Variants in NELL2 observed in about 807,000 individuals in gnomAD.
NELL2 encodes the protein protein kinase C-binding protein NELL2.
NELL2 carries 41 observed loss-of-function variants against 109.6 expected under a neutral mutation model. The ratio of observed to expected loss-of-function variants is 0.37; its 90% CI spans 0.29 to 0.49. The LOEUF is 0.49. Ranked by LOEUF, NELL2 falls within the 20% of genes least tolerant of loss-of-function variation. The probability of loss-of-function intolerance (pLI) is 0.98; values close to 1 mark genes in which losing one functional copy is unlikely to be tolerated. For synonymous variants in NELL2, 355 were observed against 344.7 expected (o/e 1.03, Z -0.33); for missense variants, 900 against 1,008.3 (o/e 0.89, Z 1.45).
intron 1 of NELL2, among the ~76,000 whole-genome samples, chr12:44,903,736 C>A (rs1336877430): frequency 6.6e-6 from 1 of 152,026 alleles, no homozygotes; most frequent in Non-Finnish European, 1.5e-5. Flanking sequence ...ATGTCCTTTG[C>A]AGGGACATGG....
intron 15 of NELL2, among the ~76,000 whole-genome samples, chr12:44,557,616 C>T (rs1223654411): frequency 1.3e-5 from 2 of 152,110 alleles, no homozygotes; most frequent in Non-Finnish European, 2.9e-5. Context: ...CTTTAGACTA[C>T]GTTGAGATTT....
At chr12:44,532,502 G>T in intron 16 of NELL2, 79 bp downstream of exon 16, 1 of 1,409,318 alleles carries the variant, frequency 7.1e-7, no homozygotes, top group Non-Finnish European at 9.7e-7. Context: ...TTGGCTCAAT[G>T]TCTTCTATTT....
intron 12 of NELL2, among the ~76,000 whole-genome samples, chr12:44,677,367 C>A (rs1228512683): frequency 6.6e-6 from 1 of 152,022 alleles, no homozygotes; most frequent in African/African-American, 2.4e-5. Flanking sequence ...GTAAAAGATG[C>A]AGTAGAGTGT....
chr12:44,587,284 A>AAAAAATATATATAT, intron 15 of NELL2, among the ~76,000 whole-genome samples: 3 of 72,212 alleles, frequency 4.2e-5, no homozygotes, highest in South Asian at 6.9e-4. Context: ...AAAAAAAAAA[A>AAAAAATATATATAT]ATATATATAT....
intron 2 of NELL2, among the ~76,000 whole-genome samples, chr12:44,827,910 C>T (rs1943767115): frequency 6.6e-6 from 1 of 152,168 alleles, no homozygotes; most frequent in South Asian, 2.1e-4. Context: ...AGTGGATGTA[C>T]TAATTTGCAT....
At chr12:44,713,177 T>TACACACACAC (rs35017907) in intron 10 of NELL2, among the ~76,000 whole-genome samples, 3 of 141,910 alleles carry the variant, frequency 2.1e-5, no homozygotes, top group African/African-American at 7.9e-5. Flanking sequence ...ATGAATAGGA[T>TACACACACAC]ACACACACAC....
Position 44,677,916 on chromosome 12 carries a change from G to A in NELL2, c.1319-12307C>T, listed in dbSNP as rs192852353. On this transcript the variant is annotated intron_variant, in intron 12 of 19. Coordinates refer to ENST00000429094, the MANE Select transcript of NELL2 (RefSeq NM_001145108.2). ...ATTTGAGATGCTTATGACACATCCA[G>A]ATAAAAATGTCCCAGAGGCAGTGAG... Among the ~76,000 whole-genome samples the A allele has an allele frequency of 8.5e-4, 130 of 152,166 alleles. No homozygotes were observed. The East Asian group carries it at 0.015, about 17-fold the overall frequency.
chr12:44,778,423 C>T lies in NELL2; in HGVS notation c.607-1109G>A, dbSNP rs137949088. On this transcript the variant is annotated intron_variant, in intron 5 of 19. Coordinates refer to ENST00000429094, the MANE Select transcript of NELL2 (RefSeq NM_001145108.2). ...TAGAAGCAGCAACATAAAAACAAGG[C>T]TATCGTGTACGGTTATATAGTTTAT... Among the ~76,000 whole-genome samples the T allele has an allele frequency of 9.2e-5, 14 of 152,226 alleles. No homozygotes were observed. The East Asian group carries it at 2.5e-3, about 27-fold the overall frequency.
At chr12:44,511,729 G>A (rs1455815877) in intron 19 of NELL2, among the ~76,000 whole-genome samples, 1 of 152,198 alleles carries the variant, frequency 6.6e-6, no homozygotes. Flanking sequence ...CACTGAAGCA[G>A]TGCGTCAGAT....
chr12:44,564,038 C>T (rs1482258097), intron 15 of NELL2, among the ~76,000 whole-genome samples: 1 of 152,136 alleles, frequency 6.6e-6, no homozygotes, highest in Non-Finnish European at 1.5e-5. Context: ...AACACATTTC[C>T]ATGGTTAAAT....
At chr12:44,781,577 TTTCAAC>T (rs1457373896) in intron 3 of NELL2, among the ~76,000 whole-genome samples, 1 of 151,994 alleles carries the variant, frequency 6.6e-6, no homozygotes, top group Non-Finnish European at 1.5e-5. Flanking sequence ...TCAAAACAAT[TTTCAAC>T]TTCATATCAA....
intron 9 of NELL2, among the ~76,000 whole-genome samples, chr12:44,729,150 A>G (rs1807690136): frequency 6.6e-6 from 1 of 152,180 alleles, no homozygotes; most frequent in Non-Finnish European, 1.5e-5. Flanking sequence ...AGATAAAAAC[A>G]TAAAGATAAC....
chr12:44,787,759 GA>G (rs34778111), intron 3 of NELL2, among the ~76,000 whole-genome samples: 55,643 of 149,788 alleles, frequency 0.37, 10,409 homozygotes, highest in South Asian at 0.5. Context: ...AATGTTAAGG[GA>G]AAAAAAAAAA....
intron 1 of NELL2, among the ~76,000 whole-genome samples, chr12:44,920,016 A>G (rs1945857001): frequency 6.6e-6 from 1 of 152,242 alleles, no homozygotes; most frequent in South Asian, 2.1e-4. Flanking sequence ...GATTCTGGAA[A>G]TAAAGTCTTT....
intron 15 of NELL2, among the ~76,000 whole-genome samples, chr12:44,582,722 T>C (rs1317377736): frequency 1.3e-5 from 2 of 152,064 alleles, no homozygotes; most frequent in African/African-American, 2.4e-5. Flanking sequence ...GTCAAAGAAC[T>C]GGAAGAACAG....
intron 13 of NELL2, among the ~76,000 whole-genome samples, chr12:44,623,302 T>C (rs1228113903): frequency 2.0e-5 from 3 of 152,130 alleles, no homozygotes; most frequent in Admixed American, 6.6e-5. Flanking sequence ...TAGACATAGA[T>C]AGATATTAAG....
chr12:44,522,901 A>G (rs1311720019), intron 17 of NELL2: 1 of 193,104 alleles, frequency 5.2e-6, no homozygotes, highest in Non-Finnish European at 1.1e-5. Flanking sequence ...ACATTGGTAT[A>G]TCCATACAAT....
chr12:44,675,816 G>A (rs1044704888), intron 12 of NELL2, among the ~76,000 whole-genome samples: 4 of 152,014 alleles, frequency 2.6e-5, no homozygotes, highest in Non-Finnish European at 5.9e-5. Flanking sequence ...TCTAGGACAG[G>A]CTTATATAGT....
intron 13 of NELL2, among the ~76,000 whole-genome samples, chr12:44,627,020 T>C (rs894303457): frequency 2.0e-5 from 3 of 152,162 alleles, no homozygotes; most frequent in Admixed American, 1.3e-4. Context: ...TCCCAGAACG[T>C]GAAAGCTTAA....
Sources: allele counts gnomAD v4.1 joint callset (sites outside exome capture counted in the v4.1 genomes callset), GRCh38; gene constraint gnomAD v4.1.1; transcripts MANE v1.5; gene names NCBI Gene and HGNC (gene_info 2026-07-23, HGNC 2026-07-21).